UBXN2B: variants seen among roughly 807,000 people sequenced by gnomAD.
UBXN2B encodes UBX domain-containing protein 2B.
UBXN2B carries 19 observed loss-of-function variants against 37.5 expected under a neutral mutation model. The ratio of observed to expected loss-of-function variants is 0.51; its 90% CI spans 0.35 to 0.74. UBXN2B has a LOEUF of 0.74. UBXN2B is among the 30% of genes least tolerant of loss of function. The pLI is 0.01. For missense variants in UBXN2B, 370 were observed against 393.2 expected, an observed-to-expected ratio of 0.94 and a Z score of 0.50; for synonymous variants, 145 against 143.8, an observed-to-expected ratio of 1.01 and a Z score of -0.06.
chr8:58,423,585 GC>G (rs1394760845), intron 2 of UBXN2B, among the ~76,000 whole-genome samples: 17 of 151,740 alleles, frequency 1.1e-4, no homozygotes, highest in Non-Finnish European at 2.4e-4. Flanking sequence ...ACAGGCGCCC[GC>G]CACCACGCCC....
At chr8:58,426,333 A>T in intron 2 of UBXN2B, 1 of 496,292 alleles carries the variant, frequency 2.0e-6, no homozygotes, top group Non-Finnish European at 3.6e-6. Flanking sequence ...CAGCCTCCTG[A>T]GTAGCTGGGA....
In UBXN2B at chr8:58,449,380, A is replaced by C. The variant is rs1808754906; in HGVS notation, c.*1829A>C. 2 of 151,986 alleles carry C rather than the reference A, an allele frequency of 1.3e-5. No homozygotes were observed. Among genetic ancestry groups the C allele is most frequent in the Admixed American group, 1.3e-4 (2 of 15,244 alleles). The allele number at this position is 151,986 out of a possible 1,614,324, so 9.4% of individuals were successfully genotyped here. On this transcript the variant is annotated 3_prime_UTR_variant, in exon 8 of 8. Transcript: ENST00000399598. ...ATTTACATCACTCATAGGTGCTCAA[A>C]AGTCACAATCCATTATTACAGCATC... is the stretch of plus-strand genomic sequence containing the variant.
rs183981493 is a variant in UBXN2B at position 58,450,317 on chromosome 8, G to C, written c.*2766G>C. On this transcript the variant is annotated 3_prime_UTR_variant, in exon 8 of 8. Coordinates refer to ENST00000399598, the MANE Select transcript of UBXN2B (RefSeq NM_001077619.2). ...CAGCAGGCTGTACCTTCCACAGCTTGCTTGGAAATATCCTCAGCTAAATAT... is the reference window on the plus strand; with the variant it reads ...CAGCAGGCTGTACCTTCCACAGCTTCCTTGGAAATATCCTCAGCTAAATAT... The C allele has an allele frequency of 5.9e-5, 9 of 152,172 alleles. No homozygotes were observed. Among genetic ancestry groups the C allele is most frequent in the African/African-American group, 1.9e-4 (8 of 41,446 alleles). The allele number at this position is 152,172 out of a possible 1,614,324, so 9.4% of individuals were successfully genotyped here. A position where few individuals can be genotyped will look rare whatever the true frequency, so the allele number is the denominator to read the frequency against.
intron 1 of UBXN2B, among the ~76,000 whole-genome samples, chr8:58,416,342 G>A (rs1160562788): frequency 6.6e-6 from 1 of 151,880 alleles, no homozygotes; most frequent in African/African-American, 2.4e-5. Context: ...TTATGGTCTT[G>A]TTTGTTCAGA....
intron 4 of UBXN2B, 26 bp from the exon 5 acceptor site, chr8:58,434,368 TA>T (rs769463462): frequency 0.039 from 10,793 of 278,362 alleles, 42 homozygotes; most frequent in Middle Eastern, 0.055. Context: ...TATATATATA[TA>T]TTTTTTTTTT....
chr8:58,440,612 T>A (rs567254319), intron 6 of UBXN2B, among the ~76,000 whole-genome samples: 2 of 152,326 alleles, frequency 1.3e-5, no homozygotes, highest in Admixed American at 1.3e-4. Flanking sequence ...CCTCTACTCG[T>A]CCACATATTG....
chr8:58,446,820 C>CA (rs1365866486), intron 7 of UBXN2B, among the ~76,000 whole-genome samples: 1 of 8,692 alleles, frequency 1.2e-4, no homozygotes, highest in African/African-American at 4.3e-4. Flanking sequence ...TTTTTTGAGA[C>CA]AGAGTCTTAC....
intron 6 of UBXN2B, among the ~76,000 whole-genome samples, chr8:58,440,189 A>G (rs755525694): frequency 1.2e-4 from 19 of 152,198 alleles, no homozygotes; most frequent in South Asian, 2.1e-4. Flanking sequence ...GCTTTTCACC[A>G]CTATATTATA....
chr8:58,429,559 G>A (rs1194022341), intron 2 of UBXN2B, among the ~76,000 whole-genome samples: 2 of 152,072 alleles, frequency 1.3e-5, no homozygotes, highest in Admixed American at 1.3e-4. Context: ...CCATCCTGAT[G>A]GATCTTTTCC....
chr8:58,415,439 C>T (rs1252933698), intron 1 of UBXN2B, among the ~76,000 whole-genome samples: 1 of 151,922 alleles, frequency 6.6e-6, no homozygotes, highest in Non-Finnish European at 1.5e-5. Context: ...GTCTCTCTCT[C>T]CTCTATCATT....
chr8:58,411,400 A>AGGCCCTGAGCCCGGC lies in UBXN2B; in HGVS notation c.17_31dup (p.Gly6_Gly10dup). ...GCCAGCGGAAGATGGCGGAGGGCGGAGGCCCTGAGCCCGGCGAGCAGGAGA... is the reference window on the plus strand; with the variant it reads ...GCCAGCGGAAGATGGCGGAGGGCGGAGGCCCTGAGCCCGGCGGCCCTGAGCCCGGCGAGCAGGAGA... On this transcript the variant is annotated inframe_insertion, in exon 1 of 8. Coordinates refer to ENST00000399598, the MANE Select transcript of UBXN2B (RefSeq NM_001077619.2). 1 of 1,269,248 alleles carries AGGCCCTGAGCCCGGC rather than the reference A, an allele frequency of 7.9e-7. No individual in the cohort carries two copies. Among genetic ancestry groups the AGGCCCTGAGCCCGGC allele is most frequent in the Non-Finnish European group, 1.0e-6 (1 of 1,002,988 alleles). The allele number at this position is 1,269,248 out of a possible 1,614,324, so 78.6% of individuals were successfully genotyped here.
intron 6 of UBXN2B, among the ~76,000 whole-genome samples, chr8:58,443,993 A>G (rs942795642): frequency 5.3e-5 from 8 of 152,336 alleles, no homozygotes; most frequent in African/African-American, 1.4e-4. Flanking sequence ...AAGTCCATCC[A>G]TTCCAGTTCT....
chr8:58,415,651 A>G (rs1248162730), intron 1 of UBXN2B, among the ~76,000 whole-genome samples: 2 of 152,104 alleles, frequency 1.3e-5, no homozygotes, highest in East Asian at 1.9e-4. Context: ...TCAAATGACT[A>G]CGGTGATTTT....
Position 58,424,065 on chromosome 8 carries a change from C to T in UBXN2B, c.189-6454C>T, listed in dbSNP as rs781682316. Among the ~76,000 whole-genome samples the T allele has an allele frequency of 1.1e-4, 16 of 151,884 alleles. 1 individual carries two copies. Among genetic ancestry groups the T allele is most frequent in the Non-Finnish European group, 2.2e-4 (15 of 67,986 alleles). On this transcript the variant is annotated intron_variant, in intron 2 of 7. Coordinates refer to ENST00000399598, the MANE Select transcript of UBXN2B (RefSeq NM_001077619.2). ...AGGCCCTAGCTTAATTCTCATTTGGCCAAAAATAGAAGCCATCAAAATGAA... is the reference window on the plus strand; with the variant it reads ...AGGCCCTAGCTTAATTCTCATTTGGTCAAAAATAGAAGCCATCAAAATGAA...
Position 58,426,421 on chromosome 8 carries a change from G to A in UBXN2B, c.189-4098G>A, listed in dbSNP as rs1388222639. 16 of 592,736 alleles carry A rather than the reference G, an allele frequency of 2.7e-5. No homozygotes were observed. In the Admixed American group the frequency reaches 3.8e-4, roughly 14 times the overall value. The allele number at this position is 592,736 out of a possible 1,614,324, so 36.7% of individuals were successfully genotyped here. ...GACGGGGTTTCACCATGTTAGCCAGGATGGTCTCAATCTCCTGACTTTGTG... is the reference window on the plus strand; with the variant it reads ...GACGGGGTTTCACCATGTTAGCCAGAATGGTCTCAATCTCCTGACTTTGTG... On this transcript the variant is annotated intron_variant, in intron 2 of 7. Coordinates refer to ENST00000399598, the MANE Select transcript of UBXN2B (RefSeq NM_001077619.2).
intron 6 of UBXN2B, among the ~76,000 whole-genome samples, chr8:58,443,154 ACT>A (rs1808590636): frequency 6.6e-6 from 1 of 151,906 alleles, no homozygotes; most frequent in Non-Finnish European, 1.5e-5. Flanking sequence ...CCTGCCCCTC[ACT>A]CTCAGCAAAT....
At chr8:58,426,035 C>T in intron 2 of UBXN2B, 1 of 1,394,556 alleles carries the variant, frequency 7.2e-7, no homozygotes. Context: ...CTGAAACCAC[C>T]TTTCAGAGGC....
At chr8:58,426,330 CTGAGTAGCTGGGACTACAG>C (rs1211701830) in intron 2 of UBXN2B, 1 of 497,744 alleles carries the variant, frequency 2.0e-6, no homozygotes, top group Non-Finnish European at 3.6e-6. Context: ...CCTCAGCCTC[CTGAGTAGCTGGGACTACAG>C]GTGCCTGCCA....
intron 2 of UBXN2B, among the ~76,000 whole-genome samples, chr8:58,428,813 GA>G (rs1157371353): frequency 6.6e-6 from 1 of 152,158 alleles, no homozygotes; most frequent in African/African-American, 2.4e-5. Flanking sequence ...ACCAAAATAC[GA>G]GAACTCAAGA....
Sources: allele counts gnomAD v4.1 joint callset (sites outside exome capture counted in the v4.1 genomes callset), GRCh38; gene constraint gnomAD v4.1.1; transcripts MANE v1.5; gene names NCBI Gene and HGNC (gene_info 2026-07-23, HGNC 2026-07-21).